The following RYR3 variants were observed in gnomAD, a reference collection of about 807,000 sequenced individuals.
RYR3 encodes ryanodine receptor 3, also known as brain ryanodine receptor-calcium release channel.
A neutral mutation model predicts 584.3 loss-of-function variants in RYR3; 207 were observed. That is an observed-to-expected ratio of 0.35 (90% confidence interval 0.32 to 0.40). RYR3 has a LOEUF of 0.40. RYR3 is among the 10% of genes least tolerant of loss of function. The pLI, the probability that RYR3 is intolerant of heterozygous loss-of-function variation, is 1.00. For missense variants in RYR3, 5,616 were observed against 6,089.2 expected, an observed-to-expected ratio of 0.92 and a Z score of 2.59; for synonymous variants, 2,416 against 2,248.5, an observed-to-expected ratio of 1.07 and a Z score of -2.11.
At chr15:33,573,057 A>T (rs1439158635) in intron 12 of RYR3, among the ~76,000 whole-genome samples, 5 of 152,150 alleles carry the variant, frequency 3.3e-5, no homozygotes, top group Non-Finnish European at 7.3e-5. Context: ...GAGTCCAGAG[A>T]TTGTTATTTT....
At chr15:33,539,918 A>AGG (rs1326011427) in intron 6 of RYR3, among the ~76,000 whole-genome samples, 1 of 152,150 alleles carries the variant, frequency 6.6e-6, no homozygotes, top group African/African-American at 2.4e-5. Context: ...GAGAAGGAGA[A>AGG]GGAGGGGTTG....
intron 1 of RYR3, among the ~76,000 whole-genome samples, chr15:33,319,875 C>G (rs567253231): frequency 8.5e-4 from 129 of 152,284 alleles, no homozygotes; most frequent in African/African-American, 2.9e-3. Flanking sequence ...ACTCCAGGAA[C>G]ACAGGGGTCT....
Position 33,853,560 on chromosome 15 carries a change from C to G in RYR3, c.13677C>G (p.Ile4559Met). 6.2e-7 allele frequency: 1 copy of G among 1,613,494 alleles called. No individual in the cohort carries two copies. The highest frequency in any genetic ancestry group is 8.5e-7 in the Non-Finnish European group (1 of 1,179,650). ...CCTGTCATCCTTTGCTTCAGGTGAT[C>G]AACAAGTATGGAGATCTCTACGGAG... ...YWDKFVKRKV[I>M]NKYGDLYGAE... is the part of the protein sequence containing the mutation. The change falls in exon 96 of 104, where the codon ATC becomes ATG. Residue 4559 changes from isoleucine (I) to methionine (M), a missense_variant. By Grantham distance (10) the Ile-to-Met change is conservative (BLOSUM62 1). Transcript: ENST00000634891.
At position 33,846,647 on chromosome 15, in the gene RYR3, A is replaced by G. The variant is rs1567308946; in HGVS notation, c.13497+1585A>G. Among the ~76,000 whole-genome samples the G allele has an allele frequency of 2.6e-5, 4 of 152,114 alleles. No individual in the cohort carries two copies. The South Asian group carries it at 6.2e-4, about 24-fold the overall frequency. Reference sequence around the variant, plus strand: ...ATTGTGTCATGTAGGAAGTCCAGCTACTGTGCTGCAGAGACCTTATGCCCT... The same window carrying G: ...ATTGTGTCATGTAGGAAGTCCAGCTGCTGTGCTGCAGAGACCTTATGCCCT... On this transcript the variant is annotated intron_variant, in intron 93 of 103. Transcript: ENST00000634891.
rs1426413959 is a variant in RYR3 at position 33,859,619 on chromosome 15, C to A, written c.14187C>A (p.Gly4729=). 1 of 1,614,008 alleles carries A rather than the reference C, an allele frequency of 6.2e-7. No individual in the cohort carries two copies. Among genetic ancestry groups the A allele is most frequent in the East Asian group, 2.2e-5 (1 of 44,890 alleles). Residue 4729 remains glycine, a synonymous_variant, in exon 100 of 104, where the codon GGC becomes GGA. Coordinates refer to ENST00000634891, the MANE Select transcript of RYR3 (RefSeq NM_001036.6). ...ACGTGGGAGTGAGAGCAGGAGGTGGCATTGGTGATGAAATTGAAGACCCTG... is the reference window on the plus strand; with the variant it reads ...ACGTGGGAGTGAGAGCAGGAGGTGGAATTGGTGATGAAATTGAAGACCCTG... ...HMYVGVRAGG[G]IGDEIEDPAG...
At chr15:33,803,430 GCAGGTCTTCTTA>G (rs1244454273) in intron 69 of RYR3, among the ~76,000 whole-genome samples, 5 of 152,178 alleles carry the variant, frequency 3.3e-5, no homozygotes, top group African/African-American at 1.2e-4. Flanking sequence ...AGTTGCCTCT[GCAGGTCTTCTTA>G]CAGGTATCAC....
At chr15:33,757,049 T>A (rs1484876782) in intron 59 of RYR3, among the ~76,000 whole-genome samples, 1 of 152,112 alleles carries the variant, frequency 6.6e-6, no homozygotes, top group Non-Finnish European at 1.5e-5. Context: ...AAGTTAGCAG[T>A]CTCTTCCATA....
At chr15:33,321,362 T>C (rs1021966087) in intron 1 of RYR3, among the ~76,000 whole-genome samples, 1 of 152,216 alleles carries the variant, frequency 6.6e-6, no homozygotes, top group African/African-American at 2.4e-5. Flanking sequence ...CCCTGAGAGG[T>C]CCTGCTGGGG....
At chr15:33,519,552 T>G (rs1313173795) in intron 3 of RYR3, among the ~76,000 whole-genome samples, 1 of 152,028 alleles carries the variant, frequency 6.6e-6, no homozygotes, top group East Asian at 1.9e-4. Flanking sequence ...TGCATTTGAA[T>G]TACCTGGGAG....
Position 33,448,242 on chromosome 15 carries a change from C to T in RYR3, c.52-25177C>T, listed in dbSNP as rs554255481. 2.2e-4 allele frequency among the ~76,000 whole-genome samples: 34 copies of T among 152,256 alleles called. No individual in the cohort carries two copies. In the South Asian group the frequency reaches 6.0e-3, roughly 27 times the overall value. ...CAGACGTCTGGCCAGCTGCTGGCCT[C>T]GAGAATATGGAGACAGTTTGTGTTT... On this transcript the variant is annotated intron_variant, in intron 1 of 103. Transcript: ENST00000634891.
Position 33,748,048 on chromosome 15 carries a change from G to C in RYR3, c.7990-66G>C. 1.1e-5 allele frequency: 17 copies of C among 1,507,730 alleles called. No homozygotes were observed. The South Asian group carries it at 1.9e-4, about 17-fold the overall frequency. The allele number at this position is 1,507,730 out of a possible 1,614,324, so 93.4% of individuals were successfully genotyped here. ...CCACAGTGGGATGCACCTTCCATGC[G>C]GAGATGGGCCAGGGAGAATGCTGGG... On this transcript the variant is annotated intron_variant, in intron 53 of 103. Transcript: ENST00000634891.
intron 1 of RYR3, among the ~76,000 whole-genome samples, chr15:33,471,475 G>A (rs576028129): frequency 5.1e-4 from 78 of 152,098 alleles, no homozygotes; most frequent in South Asian, 1.7e-3. Context: ...GCTACTGCAA[G>A]GTCAAAGCCT....
intron 38 of RYR3, among the ~76,000 whole-genome samples, chr15:33,695,531 C>A (rs1483034351): frequency 6.6e-6 from 1 of 152,122 alleles, no homozygotes; most frequent in East Asian, 1.9e-4. Flanking sequence ...GCAGTGTCAG[C>A]TGACTCTTGC....
At chr15:33,753,544 G>T (rs914089946) in intron 57 of RYR3, among the ~76,000 whole-genome samples, 2 of 152,070 alleles carry the variant, frequency 1.3e-5, no homozygotes, top group Non-Finnish European at 2.9e-5. Context: ...ATGAAAAGCC[G>T]GTGTTTTTAT....
intron 1 of RYR3, among the ~76,000 whole-genome samples, chr15:33,408,023 T>C (rs1596008462): frequency 6.9e-6 from 1 of 145,640 alleles, no homozygotes; most frequent in South Asian, 2.2e-4. Flanking sequence ...TTTTTTTTTT[T>C]CCAGTTTTCA....
At chr15:33,846,293 AG>A (rs983065628) in intron 93 of RYR3, among the ~76,000 whole-genome samples, 5 of 152,226 alleles carry the variant, frequency 3.3e-5, no homozygotes, top group African/African-American at 1.2e-4. Flanking sequence ...GTTTAAGGCA[AG>A]TCACATGGCC....
intron 93 of RYR3, among the ~76,000 whole-genome samples, chr15:33,846,447 C>G (rs145157932): frequency 6.6e-6 from 1 of 152,320 alleles, no homozygotes; most frequent in African/African-American, 2.4e-5. Context: ...TGTCCCAAGT[C>G]CAGATCTAGT....
intron 36 of RYR3, among the ~76,000 whole-genome samples, chr15:33,668,823 C>T (rs1272374332): frequency 6.6e-6 from 1 of 151,728 alleles, no homozygotes; most frequent in Non-Finnish European, 1.5e-5. Flanking sequence ...TAATCAGAGA[C>T]ATGAAAAAAA....
intron 64 of RYR3, among the ~76,000 whole-genome samples, chr15:33,779,110 T>C (rs2074217068): frequency 6.6e-6 from 1 of 152,220 alleles, no homozygotes; most frequent in African/African-American, 2.4e-5. Flanking sequence ...TTCAGCAGAT[T>C]TATATCTCAA....
Sources: gnomAD v4.1 joint callset for allele counts (sites outside exome capture counted in the v4.1 genomes callset) on GRCh38, gnomAD v4.1.1 for gene constraint, MANE v1.5 for transcripts, NCBI Gene and HGNC (gene_info 2026-07-23, HGNC 2026-07-21) for gene names.